Variants in TBL1Y observed in about 807,000 individuals in gnomAD.
TBL1Y encodes transducin beta like 1 Y-linked.
In TBL1Y, 15 loss-of-function variants were observed where a neutral mutation model predicts 12.0. The ratio of observed to expected loss-of-function variants is 1.25; its 90% CI spans 0.83 to 1.92. TBL1Y has a LOEUF of 1.92. Ranked by LOEUF, TBL1Y falls within the 40% of genes most tolerant of loss-of-function variation. The pLI is 0.00. For missense variants in TBL1Y, 148 were observed against 116.7 expected, an observed-to-expected ratio of 1.27 and a Z score of -1.24; for synonymous variants, 53 against 42.6, an observed-to-expected ratio of 1.24 and a Z score of -0.95.
intron 6 of TBL1Y, among the ~76,000 whole-genome samples, chrY:7,031,124 C>G: frequency 3.0e-5 from 1 of 33,338 alleles, no homozygotes; most frequent in Admixed American, 2.7e-4. Context: ...GTACTTCTCT[C>G]TGGTGATGAT....
intron 4 of TBL1Y, among the ~76,000 whole-genome samples, chrY:6,998,171 G>A (rs2012422795): frequency 2.9e-5 from 1 of 34,139 alleles, no homozygotes; most frequent in Non-Finnish European, 7.3e-5. Flanking sequence ...GAGCTCATGT[G>A]TGCCATTTGA....
At chrY:7,062,873 C>G in intron 7 of TBL1Y, among the ~76,000 whole-genome samples, 1 of 33,802 alleles carries the variant, frequency 3.0e-5, no homozygotes, top group Non-Finnish European at 7.4e-5. Context: ...GGGTACTTCA[C>G]TGAACCCCCT....
At chrY:7,064,206 TA>T (rs2012952137) in intron 8 of TBL1Y, 57 bp downstream of exon 8, 1 of 373,849 alleles carries the variant, frequency 2.7e-6, no homozygotes, top group African/African-American at 6.6e-5. Flanking sequence ...TGTTTTCTTT[TA>T]AATCTGGGTC....
At chrY:7,008,957 C>A (rs2012502579) in intron 4 of TBL1Y, among the ~76,000 whole-genome samples, 1 of 33,807 alleles carries the variant, frequency 3.0e-5, no homozygotes, top group Non-Finnish European at 7.3e-5. Context: ...TGCCCATGGC[C>A]CATGAGCATA....
intron 6 of TBL1Y, among the ~76,000 whole-genome samples, chrY:7,029,536 G>C: frequency 3.0e-5 from 1 of 33,894 alleles, no homozygotes; most frequent in African/African-American, 1.2e-4. Context: ...GCCTCTCAAT[G>C]TGCTGGGATC....
chrY:7,063,549 T>C (rs9785722), intron 7 of TBL1Y, among the ~76,000 whole-genome samples: 6,800 of 32,048 alleles, frequency 0.21, no homozygotes, highest in African/African-American at 0.68. Flanking sequence ...ATGGAGTAGG[T>C]AATCGGAATG....
chrY:6,985,273 T>C, intron 3 of TBL1Y, among the ~76,000 whole-genome samples: 1 of 33,925 alleles, frequency 2.9e-5, no homozygotes, highest in Non-Finnish European at 7.3e-5. Flanking sequence ...CTTCTCTCTC[T>C]GGCTGGCTGC....
chrY:6,931,249 G>C, intron 2 of TBL1Y, among the ~76,000 whole-genome samples: 20 of 32,745 alleles, frequency 6.1e-4, no homozygotes. Flanking sequence ...AAATTAGCTG[G>C]GTGTGGTGGT....
chrY:7,073,046 G>A, intron 12 of TBL1Y, among the ~76,000 whole-genome samples: 2 of 33,842 alleles, frequency 5.9e-5, no homozygotes, highest in Non-Finnish European at 1.5e-4. Flanking sequence ...AGGCTTCCAC[G>A]AGACTTTGCA....
chrY:7,063,103 C>G, intron 7 of TBL1Y, among the ~76,000 whole-genome samples: 2 of 33,418 alleles, frequency 6.0e-5, no homozygotes, highest in African/African-American at 2.3e-4. Context: ...GAGACCGCCA[C>G]AAGGGGTGGG....
intron 2 of TBL1Y, among the ~76,000 whole-genome samples, chrY:6,974,541 C>T: frequency 8.7e-5 from 3 of 34,489 alleles, no homozygotes; most frequent in African/African-American, 3.4e-4. Context: ...GCGGATGTCT[C>T]TGTAGACACG....
chrY:7,057,740 G>T, intron 7 of TBL1Y, among the ~76,000 whole-genome samples: 2 of 33,416 alleles, frequency 6.0e-5, no homozygotes, highest in South Asian at 1.4e-3. Flanking sequence ...TTGGGATGAA[G>T]GTGCAACATT....
chrY:7,084,392 C>A lies in TBL1Y; in HGVS notation c.1078-1506C>A, dbSNP rs75243143. Among the ~76,000 whole-genome samples, 4 of 33,956 alleles carry A rather than the reference C, an allele frequency of 1.2e-4. No homozygotes were observed. In the East Asian group the frequency reaches 3.2e-3, roughly 27 times the overall value. 91.1% of individuals were successfully genotyped at this position (33,956 alleles called of 37,273 possible). ...GCAACCTCCCCATCCCAGGTTCAAG[C>A]GATTCTCTTGCCTCAGCCTCCCTAG... On this transcript the variant is annotated intron_variant, in intron 14 of 18. Coordinates refer to ENST00000383032, the MANE Select transcript of TBL1Y (RefSeq NM_033284.2).
At chrY:6,967,683 C>A in intron 2 of TBL1Y, among the ~76,000 whole-genome samples, 4 of 34,041 alleles carry the variant, frequency 1.2e-4, no homozygotes, top group African/African-American at 2.3e-4. Flanking sequence ...TGATGCCTAG[C>A]CTATGGTGTG....
chrY:7,078,484 G>A, intron 13 of TBL1Y, among the ~76,000 whole-genome samples: 1 of 33,907 alleles, frequency 2.9e-5, no homozygotes, highest in Non-Finnish European at 7.3e-5. Flanking sequence ...ACTGGCTTGT[G>A]TGGGAAGCAC....
At chrY:6,938,966 A>G (rs748632948) in intron 2 of TBL1Y, among the ~76,000 whole-genome samples, 5 of 33,980 alleles carry the variant, frequency 1.5e-4, no homozygotes, top group African/African-American at 5.8e-4. Context: ...TACAGCTCAT[A>G]AAGGTAGTGC....
At chrY:6,962,023 G>A in intron 2 of TBL1Y, among the ~76,000 whole-genome samples, 1 of 33,981 alleles carries the variant, frequency 2.9e-5, no homozygotes, top group Non-Finnish European at 7.3e-5. Context: ...CACATGAAAT[G>A]TGAATAGGTA....
intron 3 of TBL1Y, among the ~76,000 whole-genome samples, chrY:6,980,768 C>A: frequency 3.0e-5 from 1 of 33,609 alleles, no homozygotes; most frequent in Admixed American, 2.7e-4. Flanking sequence ...TGGAATGTCA[C>A]CTGAGAGTTG....
intron 7 of TBL1Y, among the ~76,000 whole-genome samples, chrY:7,049,136 T>G (rs2124165530): frequency 3.0e-5 from 1 of 33,300 alleles, no homozygotes; most frequent in East Asian, 8.1e-4. Context: ...CGGTGTTTGG[T>G]TTTCTGTCCT....
Sources: allele counts gnomAD v4.1 joint callset (sites outside exome capture counted in the v4.1 genomes callset), GRCh38; gene constraint gnomAD v4.1.1; transcripts MANE v1.5; gene names NCBI Gene and HGNC (gene_info 2026-07-23, HGNC 2026-07-21).